Variants in ATRNL1 observed in about 807,000 individuals in gnomAD.
ATRNL1 encodes the protein attractin-like protein 1.
A neutral mutation model predicts 182.7 loss-of-function variants in ATRNL1; 95 were observed. The observed-to-expected ratio is 0.52, with a 90% CI of 0.44 to 0.62. ATRNL1 has a LOEUF of 0.62. Among genes scored for constraint, ATRNL1 ranks in the 20% least tolerant of loss-of-function variants. The pLI is 0.00. For synonymous variants in ATRNL1, 576 were observed against 568.3 expected, an observed-to-expected ratio of 1.01 and a Z score of -0.19; for missense variants, 1,471 against 1,679.5, an observed-to-expected ratio of 0.88 and a Z score of 2.17.
At chr10:115,521,353 A>T (rs1375961513) in intron 25 of ATRNL1, among the ~76,000 whole-genome samples, 1 of 152,120 alleles carries the variant, frequency 6.6e-6, no homozygotes, top group Non-Finnish European at 1.5e-5. Flanking sequence ...GGGTTTCACC[A>T]CATTGGCCAG....
At chr10:115,186,275 A>G (rs11197108) in intron 8 of ATRNL1, among the ~76,000 whole-genome samples, 2,829 of 152,156 alleles carry the variant, frequency 0.019, 155 homozygotes, top group East Asian at 0.12. Flanking sequence ...GTAAATTAGT[A>G]CAACCATGAT....
chr10:115,317,484 G>A (rs188425979), intron 18 of ATRNL1, among the ~76,000 whole-genome samples: 125 of 152,302 alleles, frequency 8.2e-4, no homozygotes, highest in African/African-American at 2.9e-3. Flanking sequence ...ACTTTGGGCA[G>A]TGTGGCCATT....
chr10:115,587,339 C>T (rs1174563820), intron 26 of ATRNL1, among the ~76,000 whole-genome samples: 7 of 152,082 alleles, frequency 4.6e-5, no homozygotes, highest in Non-Finnish European at 1.0e-4. Flanking sequence ...TTGGCAATGG[C>T]GGGCGCCCCT....
intron 26 of ATRNL1, among the ~76,000 whole-genome samples, chr10:115,725,594 CAA>C (rs1373224374): frequency 6.6e-6 from 1 of 152,016 alleles, no homozygotes; most frequent in Non-Finnish European, 1.5e-5. Flanking sequence ...TGTTCAAACA[CAA>C]AGTGGAATTT....
chr10:115,608,865 C>T (rs1349503334), intron 26 of ATRNL1, among the ~76,000 whole-genome samples: 2 of 151,416 alleles, frequency 1.3e-5, no homozygotes, highest in African/African-American at 4.8e-5. Flanking sequence ...GTTATAAATC[C>T]TAGTAGACAA....
At chr10:115,622,545 G>A (rs1334146345) in intron 26 of ATRNL1, among the ~76,000 whole-genome samples, 1 of 152,190 alleles carries the variant, frequency 6.6e-6, no homozygotes, top group Non-Finnish European at 1.5e-5. Flanking sequence ...TTTGATGCAA[G>A]CAATCCATTT....
chr10:115,482,679 A>G (rs1193509803), intron 24 of ATRNL1, among the ~76,000 whole-genome samples: 1 of 151,162 alleles, frequency 6.6e-6, no homozygotes, highest in East Asian at 1.9e-4. Flanking sequence ...TAAAGTTTGA[A>G]TCAGTCCCAA....
chr10:115,461,405 T>C lies in ATRNL1; in HGVS notation c.3323-536T>C, dbSNP rs188661583. 9.9e-5 allele frequency among the ~76,000 whole-genome samples: 15 copies of C among 152,162 alleles called. No individual in the cohort carries two copies. In the East Asian group the frequency reaches 2.7e-3, roughly 27 times the overall value. ...GGTCATATCTGTAAAATGATGTTTA[T>C]CATAGAATCATTTTAAAATTACTAA... On this transcript the variant is annotated intron_variant, in intron 21 of 28. Coordinates refer to ENST00000355044, the MANE Select transcript of ATRNL1 (RefSeq NM_207303.4).
At chr10:115,387,474 T>C (rs1263758023) in intron 19 of ATRNL1, among the ~76,000 whole-genome samples, 1 of 152,212 alleles carries the variant, frequency 6.6e-6, no homozygotes, top group East Asian at 1.9e-4. Context: ...ACAATTCAGG[T>C]AACACAAAAT....
chr10:115,543,243 C>T (rs1852462727), intron 25 of ATRNL1, among the ~76,000 whole-genome samples: 1 of 152,180 alleles, frequency 6.6e-6, no homozygotes, highest in East Asian at 1.9e-4. Context: ...GTATTATTTA[C>T]CACATTCAGC....
At chr10:115,592,575 C>A (rs1855977359) in intron 26 of ATRNL1, among the ~76,000 whole-genome samples, 1 of 152,178 alleles carries the variant, frequency 6.6e-6, no homozygotes, top group Non-Finnish European at 1.5e-5. Context: ...TACTTTTTGC[C>A]TCCATGAGTT....
intron 13 of ATRNL1, among the ~76,000 whole-genome samples, chr10:115,270,244 AATAAT>A (rs1851786041): frequency 6.8e-6 from 1 of 146,620 alleles, no homozygotes; most frequent in African/African-American, 2.5e-5. Flanking sequence ...TATATAAATA[AATAAT>A]ATATATTTGT....
intron 19 of ATRNL1, among the ~76,000 whole-genome samples, chr10:115,344,464 C>T (rs1855889177): frequency 6.6e-6 from 1 of 152,106 alleles, no homozygotes; most frequent in Non-Finnish European, 1.5e-5. Context: ...TCCCTTAAGG[C>T]CTAAGGGCTC....
Position 115,519,263 on chromosome 10 carries a change from A to G in ATRNL1, c.3655A>G (p.Ile1219Val). 1 of 1,610,076 alleles carries G rather than the reference A, an allele frequency of 6.2e-7. No individual in the cohort carries two copies. The highest frequency in any genetic ancestry group is 8.5e-7 in the Non-Finnish European group (1 of 1,178,216). ...SNFSWPIKIQ[I>V]AFSQHNTIMD... ...AATTTTTTTTATTTTGATTTTTCAGATTGCATTCTCACAACACAATACAAT... is the reference window on the plus strand; with the variant it reads ...AATTTTTTTTATTTTGATTTTTCAGGTTGCATTCTCACAACACAATACAAT... The change falls in exon 25 of 29, where the codon ATT (isoleucine) becomes GTT (valine). Residue 1219 changes from isoleucine to valine, a missense_variant and splice_region_variant. Physicochemically the swap from Ile to Val is conservative, Grantham distance 29 (BLOSUM62 3). Coordinates refer to ENST00000355044, the MANE Select transcript of ATRNL1 (RefSeq NM_207303.4).
chr10:115,757,950 C>T (rs933001658), intron 27 of ATRNL1, among the ~76,000 whole-genome samples: 17 of 151,234 alleles, frequency 1.1e-4, no homozygotes, highest in African/African-American at 2.9e-4. Flanking sequence ...GCTTGTGATT[C>T]GGTTATTGAT....
At chr10:115,330,672 C>CTTTTTTTT (rs200104323) in intron 18 of ATRNL1, among the ~76,000 whole-genome samples, 3 of 101,408 alleles carry the variant, frequency 3.0e-5, no homozygotes, top group East Asian at 3.2e-4. Flanking sequence ...GTGTTATTTG[C>CTTTTTTTT]TTTTTTTTTT....
At chr10:115,318,690 T>C (rs1215504931) in intron 18 of ATRNL1, among the ~76,000 whole-genome samples, 1 of 152,188 alleles carries the variant, frequency 6.6e-6, no homozygotes, top group African/African-American at 2.4e-5. Flanking sequence ...GGGGTGTTTA[T>C]AGTATTCTCT....
chr10:115,203,054 T>C (rs1848650616), intron 8 of ATRNL1, among the ~76,000 whole-genome samples: 1 of 152,208 alleles, frequency 6.6e-6, no homozygotes, highest in Non-Finnish European at 1.5e-5. Context: ...TGGTAGTTTG[T>C]ATTTCTGTGG....
chr10:115,250,721 C>G (rs1290166400), intron 10 of ATRNL1, among the ~76,000 whole-genome samples: 1 of 152,154 alleles, frequency 6.6e-6, no homozygotes, highest in Non-Finnish European at 1.5e-5. Flanking sequence ...ATGTTCTTGT[C>G]CACTGGACCC....
Sources: gnomAD v4.1 joint callset for allele counts (sites outside exome capture counted in the v4.1 genomes callset) on GRCh38, gnomAD v4.1.1 for gene constraint, MANE v1.5 for transcripts, NCBI Gene and HGNC (gene_info 2026-07-23, HGNC 2026-07-21) for gene names.